IQCB1: variants seen among roughly 807,000 people sequenced by gnomAD.
The protein encoded by IQCB1 is IQ calmodulin-binding motif-containing protein 1.
Under a neutral mutation model 84.4 loss-of-function variants are expected in IQCB1, and 56 were observed. The observed-to-expected ratio is 0.66, with a 90% CI of 0.54 to 0.83. The LOEUF is 0.83. Among genes scored for constraint, IQCB1 ranks in the 40% least tolerant of loss-of-function variants. The probability of loss-of-function intolerance (pLI) is 0.00; values close to 1 mark genes in which losing one functional copy is unlikely to be tolerated. For synonymous variants in IQCB1, 210 were observed against 234.8 expected (o/e 0.89, Z 0.96); for missense variants, 629 against 682.1 (o/e 0.92, Z 0.87).
intron 5 of IQCB1, among the ~76,000 whole-genome samples, chr3:121,811,920 A>G (rs1347369824): frequency 1.3e-5 from 2 of 152,336 alleles, no homozygotes; most frequent in South Asian, 4.1e-4. Context: ...GATATACTGA[A>G]TTTGAATTTG....
chr3:121,810,770 C>T (rs1949796544), intron 5 of IQCB1, among the ~76,000 whole-genome samples: 1 of 152,054 alleles, frequency 6.6e-6, no homozygotes, highest in Non-Finnish European at 1.5e-5. Flanking sequence ...GCTATAGAAC[C>T]TAGAGTTAGT....
intron 10 of IQCB1, among the ~76,000 whole-genome samples, chr3:121,793,454 A>G (rs1949071455): frequency 1.3e-5 from 2 of 152,210 alleles, no homozygotes; most frequent in Admixed American, 6.5e-5. Flanking sequence ...AATTACTGAG[A>G]TAAGTCCTGA....
intron 4 of IQCB1, among the ~76,000 whole-genome samples, chr3:121,826,753 G>C (rs935601261): frequency 1.3e-5 from 2 of 152,098 alleles, no homozygotes; most frequent in African/African-American, 2.4e-5. Flanking sequence ...CATTAGAGGA[G>C]AGAAAGTCAC....
At chr3:121,775,747 T>C (rs1948199649) in intron 13 of IQCB1, among the ~76,000 whole-genome samples, 1 of 152,328 alleles carries the variant, frequency 6.6e-6, no homozygotes, top group South Asian at 2.1e-4. Flanking sequence ...TTAAAAAATA[T>C]AGCTTTATTG....
intron 13 of IQCB1, 39 bp downstream of exon 13, chr3:121,781,701 ATTG>A (rs1948502485): frequency 1.3e-6 from 2 of 1,553,512 alleles, no homozygotes; most frequent in African/African-American, 2.7e-5. Context: ...AATATCATGC[ATTG>A]GAATAATGTA....
At chr3:121,807,323 A>G in intron 7 of IQCB1, 21 bp downstream of exon 7, 1 of 1,221,818 alleles carries the variant, frequency 8.2e-7, no homozygotes, top group Non-Finnish European at 1.2e-6. Flanking sequence ...AAGCAGTAAC[A>G]TTTTGTAAAA....
At chr3:121,817,331 C>T (rs548963351) in intron 5 of IQCB1, among the ~76,000 whole-genome samples, 2 of 151,630 alleles carry the variant, frequency 1.3e-5, no homozygotes, top group Non-Finnish European at 2.9e-5. Flanking sequence ...ACCTACATGA[C>T]GAGTTGATGG....
intron 13 of IQCB1, among the ~76,000 whole-genome samples, chr3:121,774,273 A>G (rs1051412706): frequency 6.6e-6 from 1 of 152,234 alleles, no homozygotes; most frequent in East Asian, 1.9e-4. Context: ...TGACTACAAC[A>G]AAAATAACTA....
rs554145070 is a variant in IQCB1 at position 121,802,636 on chromosome 3, A to C, written c.588-3262T>G. On this transcript the variant is annotated intron_variant, in intron 7 of 14. Transcript: ENST00000310864. ...GATCCAGTTTATGGTTTATTTCTCT[A>C]TCACGTTTGCTTAGAATTTTATTGA... is the stretch of plus-strand genomic sequence containing the variant. Among the ~76,000 whole-genome samples, 4 of 152,200 alleles carry C rather than the reference A, an allele frequency of 2.6e-5. No individual in the cohort carries two copies. In the East Asian group the frequency reaches 7.7e-4, roughly 29 times the overall value.
At chr3:121,781,361 G>A (rs1948485093) in intron 13 of IQCB1, among the ~76,000 whole-genome samples, 1 of 152,078 alleles carries the variant, frequency 6.6e-6, no homozygotes. Flanking sequence ...GCTTCTGGAG[G>A]TACATTAGTA....
rs752004478 is a variant in IQCB1, at chr3:121,772,624, T to C, written c.1500A>G (p.Glu500=). 1 of 1,614,254 alleles carries C rather than the reference T, an allele frequency of 6.2e-7. No individual in the cohort carries two copies. Among genetic ancestry groups the C allele is most frequent in the Non-Finnish European group, 8.5e-7 (1 of 1,180,042 alleles). Residue 500 remains glutamate (E), a synonymous_variant, in exon 14 of 15, where the codon GAA becomes GAG. Coordinates refer to ENST00000310864, the MANE Select transcript of IQCB1 (RefSeq NM_001023570.4). ...LQHYFMGRAL[E]ERAQQHREAL... is the part of the protein sequence containing the mutation. ...CTTCTCTGTGCTGCTGGGCTCGCTC[T>C]TCTAGGGCCCTGCCCATAAAGTAGT...
intron 12 of IQCB1, among the ~76,000 whole-genome samples, chr3:121,786,215 G>GAAAAGAAAAGAAAAGAAAAGAAAA (rs59609336): frequency 2.9e-4 from 43 of 147,078 alleles, no homozygotes; most frequent in African/African-American, 4.8e-4. Context: ...GAAAAGAAAA[G>GAAAAGAAAAGAAAAGAAAAGAAAA]GATGCTTTAA....
chr3:121,772,762 A>G, intron 13 of IQCB1, 49 bp from the exon 14 acceptor site: 2 of 1,581,442 alleles, frequency 1.3e-6, no homozygotes, highest in South Asian at 2.2e-5. Context: ...CATAGGTATC[A>G]AAGTACCCAA....
chr3:121,824,874 C>T (rs1950407497), intron 5 of IQCB1, among the ~76,000 whole-genome samples: 1 of 151,996 alleles, frequency 6.6e-6, no homozygotes, highest in Non-Finnish European at 1.5e-5. Flanking sequence ...ACCAAATTGA[C>T]CTAATTAACA....
intron 12 of IQCB1, among the ~76,000 whole-genome samples, chr3:121,782,963 T>C (rs1281767670): frequency 6.6e-6 from 1 of 152,120 alleles, no homozygotes; most frequent in Non-Finnish European, 1.5e-5. Context: ...ACGTGAGCCA[T>C]CGCGTCCCAC....
At chr3:121,803,328 G>C (rs1356589551) in intron 7 of IQCB1, among the ~76,000 whole-genome samples, 1 of 152,170 alleles carries the variant, frequency 6.6e-6, no homozygotes, top group African/African-American at 2.4e-5. Flanking sequence ...TGAGATTACA[G>C]GTGTGAGCCA....
chr3:121,801,965 C>T (rs1201637813), intron 7 of IQCB1, among the ~76,000 whole-genome samples: 1 of 151,832 alleles, frequency 6.6e-6, no homozygotes, highest in Non-Finnish European at 1.5e-5. Flanking sequence ...TAAACCAGCC[C>T]TGAATGCCGG....
chr3:121,832,072 G>T (rs1401508312), intron 2 of IQCB1, among the ~76,000 whole-genome samples: 1 of 152,098 alleles, frequency 6.6e-6, no homozygotes, highest in African/African-American at 2.4e-5. Flanking sequence ...ATGAAAATTG[G>T]TATGATTGTG....
chr3:121,787,915 T>C (rs1293502796), intron 12 of IQCB1, among the ~76,000 whole-genome samples: 1 of 152,132 alleles, frequency 6.6e-6, no homozygotes, highest in Non-Finnish European at 1.5e-5. Context: ...CTGATCCACA[T>C]AACAACTGAG....
Sources: allele counts gnomAD v4.1 joint callset (sites outside exome capture counted in the v4.1 genomes callset), GRCh38; gene constraint gnomAD v4.1.1; transcripts MANE v1.5; gene names NCBI Gene and HGNC (gene_info 2026-07-23, HGNC 2026-07-21).